SLC12A1: variants seen among roughly 807,000 people sequenced by gnomAD.
SLC12A1 encodes Na-K-2Cl cotransporter.
A neutral mutation model predicts 130.4 loss-of-function variants in SLC12A1; 89 were observed. The observed-to-expected ratio is 0.68, with a 90% confidence interval of 0.58 to 0.81. The LOEUF is 0.81. SLC12A1 is among the 40% of genes least tolerant of loss of function. SLC12A1 has a pLI of 0.00. For synonymous variants in SLC12A1, 499 were observed against 460.0 expected (o/e 1.08, Z -1.09); for missense variants, 1,310 against 1,336.4 (o/e 0.98, Z 0.31).
rs541031435 is a variant in SLC12A1 at position 48,225,967 on chromosome 15, G to A, written c.629-509G>A. On this transcript the variant is annotated intron_variant, in intron 4 of 26. Coordinates refer to ENST00000380993, the MANE Select transcript of SLC12A1 (RefSeq NM_000338.3). ...GAGGAGGTAATTAAACTTGTGACCCGCACCATCATTTGTAAGGTAAAGGCA... is the reference window on the plus strand; with the variant it reads ...GAGGAGGTAATTAAACTTGTGACCCACACCATCATTTGTAAGGTAAAGGCA... 151 of 834,188 alleles carry A rather than the reference G, an allele frequency of 1.8e-4. 1 individual carries two copies. In the South Asian group the frequency reaches 5.6e-3, roughly 31 times the overall value. 51.7% of individuals were successfully genotyped at this position (834,188 alleles called of 1,614,324 possible). A position where few individuals can be genotyped will look rare whatever the true frequency, so the allele number is the denominator to read the frequency against.
intron 21 of SLC12A1, 26 bp from the exon 22 acceptor site, chr15:48,288,017 A>G: frequency 6.2e-7 from 1 of 1,600,698 alleles, no homozygotes; most frequent in Non-Finnish European, 8.5e-7. Context: ...AAGCAAACAG[A>G]TGCATCAATT....
chr15:48,302,755 T>A lies in SLC12A1; in HGVS notation c.3170T>A (p.Leu1057His), dbSNP rs773866830. Residue 1057 changes from leucine to histidine, a missense_variant, in exon 27 of 27, where the codon CTT (leucine) becomes CAT (histidine). Coordinates refer to ENST00000380993, the MANE Select transcript of SLC12A1 (RefSeq NM_000338.3). ...SRAANLIVLS[L>H]PVARKGSISD... ...TTTTTCCTTCATGTCATTAGGAGCCTTCCCGTGGCAAGAAAGGGATCCATA... is the reference window on the plus strand; with the variant it reads ...TTTTTCCTTCATGTCATTAGGAGCCATCCCGTGGCAAGAAAGGGATCCATA... 1 of 1,607,542 alleles carries A rather than the reference T, an allele frequency of 6.2e-7. No homozygotes were observed. The highest frequency in any genetic ancestry group is 8.5e-7 in the Non-Finnish European group (1 of 1,176,984).
chr15:48,226,359 G>A (rs550155304), intron 4 of SLC12A1, 117 bp from the exon 5 acceptor site: 105 of 620,370 alleles, frequency 1.7e-4, no homozygotes, highest in East Asian at 7.1e-4. Flanking sequence ...AAGAAACCCC[G>A]TTGGAGCCCG....
rs761151926 is a variant in SLC12A1 at position 48,229,217 on chromosome 15, T to C, written c.753T>C (p.Ser251=). Reference sequence around the variant, plus strand: ...GGGCCTACTATCTTATTTCCAGAAGTTTAGGGCCCGAGTTCGGTGGGTCAA... The same window carrying C: ...GGGCCTACTATCTTATTTCCAGAAGCTTAGGGCCCGAGTTCGGTGGGTCAA... ...GGGAYYLISR[S]LGPEFGGSIG... Residue 251 remains serine, a synonymous_variant, in exon 6 of 27, where the codon AGT becomes AGC. Coordinates refer to ENST00000380993, the MANE Select transcript of SLC12A1 (RefSeq NM_000338.3). 1 of 1,590,686 alleles carries C rather than the reference T, an allele frequency of 6.3e-7. No individual in the cohort carries two copies. Among genetic ancestry groups the C allele is most frequent in the Non-Finnish European group, 8.6e-7 (1 of 1,167,606 alleles).
intron 4 of SLC12A1, chr15:48,221,244 A>C (rs1191731067): frequency 1.5e-6 from 1 of 676,336 alleles, no homozygotes; most frequent in Non-Finnish European, 2.7e-6. Context: ...CTTTTGATAG[A>C]GTTTTAGGTA....
chr15:48,295,066 T>C (rs1266138946), intron 24 of SLC12A1, among the ~76,000 whole-genome samples: 1 of 150,664 alleles, frequency 6.6e-6, no homozygotes, highest in Admixed American at 6.6e-5. Flanking sequence ...CATGAGCCCC[T>C]ATACCCAGCT....
chr15:48,210,598 T>TA (rs1485800295), intron 2 of SLC12A1, among the ~76,000 whole-genome samples: 1 of 151,472 alleles, frequency 6.6e-6, no homozygotes, highest in Non-Finnish European at 1.5e-5. Flanking sequence ...CTCATGCCTG[T>TA]AATCCTAGCA....
At chr15:48,262,536 C>T (rs1358912520) in intron 17 of SLC12A1, among the ~76,000 whole-genome samples, 2 of 152,128 alleles carry the variant, frequency 1.3e-5, no homozygotes, top group South Asian at 2.1e-4. Flanking sequence ...TAACACTCTC[C>T]GCAGGCCTCT....
chr15:48,235,208 T>C (rs1437626960), intron 9 of SLC12A1: 7 of 639,628 alleles, frequency 1.1e-5, no homozygotes, highest in Non-Finnish European at 2.0e-5. Context: ...AAAAGTCTTA[T>C]TCAGTGATAT....
intron 11 of SLC12A1, among the ~76,000 whole-genome samples, chr15:48,245,167 C>T (rs1395921566): frequency 6.6e-6 from 1 of 152,126 alleles, no homozygotes; most frequent in Non-Finnish European, 1.5e-5. Context: ...TATGTGTGTT[C>T]CGATCAGTTG....
chr15:48,255,742 G>A lies in SLC12A1; in HGVS notation c.1943-69G>A. On this transcript the variant is annotated intron_variant, in intron 15 of 26. Transcript: ENST00000380993. ...GGAAAATCATAGAAGGGAATGACTTGTAAAATTATTCATGGTGCACAGAGG... is the reference window on the plus strand; with the variant it reads ...GGAAAATCATAGAAGGGAATGACTTATAAAATTATTCATGGTGCACAGAGG... 4 of 970,328 alleles carry A rather than the reference G, an allele frequency of 4.1e-6. No individual in the cohort carries two copies. The East Asian group carries it at 7.9e-5, about 19-fold the overall frequency. The allele number at this position is 970,328 out of a possible 1,614,324, so 60.1% of individuals were successfully genotyped here. A position where few individuals can be genotyped will look rare whatever the true frequency, so the allele number is the denominator to read the frequency against.
chr15:48,283,684 G>T (rs1158567547), intron 20 of SLC12A1, among the ~76,000 whole-genome samples: 1 of 152,204 alleles, frequency 6.6e-6, no homozygotes, highest in Non-Finnish European at 1.5e-5. Flanking sequence ...GTATAGCTTC[G>T]CTTCACAGAT....
chr15:48,246,889 C>T lies in SLC12A1; in HGVS notation c.1453-20C>T, dbSNP rs1375055165. ...TTCCAAATCACAGAAAGTCTCCTTA[C>T]TTGTACCTCTCTTCTCAAGGTCATG... On this transcript the variant is annotated intron_variant, in intron 11 of 26. Transcript: ENST00000380993. 6.4e-7 allele frequency: 1 copy of T among 1,558,622 alleles called. No homozygotes were observed. Among genetic ancestry groups the T allele is most frequent in the African/African-American group, 1.4e-5 (1 of 74,012 alleles).
chr15:48,207,865 C>T lies in SLC12A1; in HGVS notation c.146C>T (p.Ser49Phe). Residue 49 changes from serine to phenylalanine, a missense_variant, in exon 2 of 27, where the codon TCT (serine) becomes TTT (phenylalanine). Coordinates refer to ENST00000380993, the MANE Select transcript of SLC12A1 (RefSeq NM_000338.3). ...NTDPPHYEET[S>F]FGDEAQKRLR... Reference sequence around the variant, plus strand: ...GACCCACCACATTATGAAGAAACCTCTTTTGGGGATGAAGCTCAGAAAAGA... The same window carrying T: ...GACCCACCACATTATGAAGAAACCTTTTTTGGGGATGAAGCTCAGAAAAGA... 2 of 1,614,008 alleles carry T rather than the reference C, an allele frequency of 1.2e-6. No homozygotes were observed. Among genetic ancestry groups the T allele is most frequent in the Non-Finnish European group, 1.7e-6 (2 of 1,179,892 alleles).
chr15:48,288,354 T>A, intron 22 of SLC12A1, 51 bp from the exon 23 acceptor site: 1 of 1,123,126 alleles, frequency 8.9e-7, no homozygotes, highest in South Asian at 1.4e-5. Flanking sequence ...AGCTATTCAT[T>A]TCCTTCCATT....
intron 13 of SLC12A1, among the ~76,000 whole-genome samples, chr15:48,249,032 C>T (rs1167523398): frequency 6.6e-6 from 1 of 152,126 alleles, no homozygotes; most frequent in Admixed American, 6.5e-5. Flanking sequence ...AAGAGCTAGA[C>T]TCTATCTCAA....
intron 24 of SLC12A1, 44 bp downstream of exon 24, chr15:48,291,908 T>A: frequency 8.5e-7 from 1 of 1,174,098 alleles, no homozygotes; most frequent in Non-Finnish European, 1.2e-6. Flanking sequence ...CATGGTACTC[T>A]CTCATTCTCT....
intron 23 of SLC12A1, among the ~76,000 whole-genome samples, chr15:48,291,121 A>G (rs1308797784): frequency 1.3e-5 from 2 of 151,940 alleles, no homozygotes; most frequent in African/African-American, 4.8e-5. Flanking sequence ...AGAGAAACAA[A>G]GAAAATGGTA....
At position 48,207,781 on chromosome 15, in the gene SLC12A1, T is replaced by C. The variant is rs1455832531; in HGVS notation, c.62T>C (p.Phe21Ser). The C allele has an allele frequency of 3.1e-6, 5 of 1,613,054 alleles. No homozygotes were observed. Among genetic ancestry groups the C allele is most frequent in the East Asian group, 2.2e-5 (1 of 44,884 alleles). The change falls in exon 2 of 27, where the codon TTT (phenylalanine) becomes TCT (serine). Residue 21 changes from phenylalanine to serine, a missense_variant. Physicochemically the swap from Phe to Ser is radical, Grantham distance 155 (BLOSUM62 -2). Coordinates refer to ENST00000380993, the MANE Select transcript of SLC12A1 (RefSeq NM_000338.3). ...LDSVPSNTNRFQVSVINENHE... is the reference protein window; with the variant it reads ...LDSVPSNTNRSQVSVINENHE... ...TCAGTGCCCAGTAATACCAATCGCT[T>C]TCAAGTTAGTGTCATAAATGAGAAC...
Sources: gnomAD v4.1 joint callset for allele counts (sites outside exome capture counted in the v4.1 genomes callset) on GRCh38, gnomAD v4.1.1 for gene constraint, MANE v1.5 for transcripts, NCBI Gene and HGNC (gene_info 2026-07-23, HGNC 2026-07-21) for gene names.